Variants in FHIT observed in about 807,000 individuals in gnomAD.
FHIT encodes the protein fragile histidine triad diadenosine triphosphatase.
In FHIT, 19 loss-of-function variants were observed where a neutral mutation model predicts 17.9. The ratio of observed to expected loss-of-function variants is 1.06; its 90% CI spans 0.74 to 1.56. FHIT has a LOEUF of 1.56. Ranked by LOEUF, FHIT falls within the 40% of genes most tolerant of loss-of-function variation. The pLI is 0.00. For synonymous variants in FHIT, 81 were observed against 69.7 expected (o/e 1.16, Z -0.81); for missense variants, 248 against 189.2 (o/e 1.31, Z -1.82).
intron 5 of FHIT, among the ~76,000 whole-genome samples, chr3:60,380,581 G>A (rs1265977787): frequency 6.6e-6 from 1 of 152,108 alleles, no homozygotes; most frequent in East Asian, 1.9e-4. Flanking sequence ...GGGAAAAAGA[G>A]GGTACAGATT....
At chr3:60,710,605 G>A (rs976198345) in intron 4 of FHIT, among the ~76,000 whole-genome samples, 7 of 152,162 alleles carry the variant, frequency 4.6e-5, no homozygotes, top group South Asian at 2.1e-4. Context: ...AGGAAATGGC[G>A]CACCAGGAGA....
At chr3:60,784,969 C>T (rs936694361) in intron 4 of FHIT, among the ~76,000 whole-genome samples, 1 of 151,850 alleles carries the variant, frequency 6.6e-6, no homozygotes, top group Admixed American at 6.6e-5. Context: ...GTGAGACAGA[C>T]ATTTCTGTTG....
intron 5 of FHIT, among the ~76,000 whole-genome samples, chr3:60,211,457 T>C (rs941501044): frequency 3.1e-4 from 47 of 152,228 alleles, no homozygotes; most frequent in African/African-American, 1.1e-3. Context: ...ATAATTATAA[T>C]GCAAAATTAA....
At chr3:60,588,988 G>T (rs13085258) in intron 4 of FHIT, among the ~76,000 whole-genome samples, 51,326 of 151,800 alleles carry the variant, frequency 0.34, 9,102 homozygotes, top group South Asian at 0.62. Flanking sequence ...ATGAGTCCAG[G>T]AAAGAATAAA....
chr3:61,213,872 A>G (rs1217900021), intron 1 of FHIT, among the ~76,000 whole-genome samples: 1 of 152,254 alleles, frequency 6.6e-6, no homozygotes, highest in African/African-American at 2.4e-5. Flanking sequence ...CCGCTCAATT[A>G]CATGGAAACT....
chr3:60,913,495 T>C (rs1706845437), intron 3 of FHIT, among the ~76,000 whole-genome samples: 2 of 152,186 alleles, frequency 1.3e-5, no homozygotes, highest in Admixed American at 1.3e-4. Flanking sequence ...CCAGATGATT[T>C]GTAGGCATAT....
chr3:60,358,881 A>T (rs1025053246), intron 5 of FHIT, among the ~76,000 whole-genome samples: 6 of 152,352 alleles, frequency 3.9e-5, no homozygotes, highest in Admixed American at 1.3e-4. Context: ...TAACTAACTC[A>T]TAGAATTGAT....
intron 3 of FHIT, among the ~76,000 whole-genome samples, chr3:60,931,428 T>G (rs1483123927): frequency 6.6e-6 from 1 of 152,216 alleles, no homozygotes; most frequent in Admixed American, 6.5e-5. Context: ...TAAAATATAT[T>G]CATTTATTTT....
intron 8 of FHIT, among the ~76,000 whole-genome samples, chr3:59,860,767 T>C (rs1452607322): frequency 6.6e-6 from 1 of 152,076 alleles, no homozygotes; most frequent in Non-Finnish European, 1.5e-5. Flanking sequence ...GAGTGTCAGA[T>C]AAGGTGTGAG....
intron 5 of FHIT, among the ~76,000 whole-genome samples, chr3:60,336,965 G>A (rs1710272217): frequency 6.6e-6 from 1 of 151,452 alleles, no homozygotes; most frequent in African/African-American, 2.4e-5. Context: ...TAGACAGAGA[G>A]AAAATAAAAT....
At chr3:61,215,435 A>C (rs1305938893) in intron 1 of FHIT, among the ~76,000 whole-genome samples, 8 of 152,166 alleles carry the variant, frequency 5.3e-5, no homozygotes. Flanking sequence ...TCCAACTTAC[A>C]AGGGACATGA....
intron 5 of FHIT, among the ~76,000 whole-genome samples, chr3:60,327,357 T>A (rs12498046): frequency 1.6e-4 from 25 of 152,176 alleles, no homozygotes; most frequent in Non-Finnish European, 4.4e-5. Flanking sequence ...GTGTCAGAGA[T>A]TAGCTATTTT....
chr3:60,792,819 C>G (rs1027016657), intron 4 of FHIT, among the ~76,000 whole-genome samples: 1 of 144,594 alleles, frequency 6.9e-6, no homozygotes, highest in Admixed American at 7.0e-5. Flanking sequence ...GACTGCCCTT[C>G]GAGAAAACAA....
At chr3:59,885,458 T>A (rs1379227606) in intron 8 of FHIT, among the ~76,000 whole-genome samples, 5 of 151,330 alleles carry the variant, frequency 3.3e-5, no homozygotes, top group East Asian at 1.9e-4. Flanking sequence ...TTTTTTTTTT[T>A]AACGATTGAT....
At chr3:59,832,303 C>T (rs1350331552) in intron 8 of FHIT, among the ~76,000 whole-genome samples, 4 of 152,142 alleles carry the variant, frequency 2.6e-5, no homozygotes, top group Admixed American at 2.6e-4. Flanking sequence ...ACCATTGAGT[C>T]ACAGCCTGTG....
At chr3:59,948,633 C>T (rs1012987505) in intron 7 of FHIT, among the ~76,000 whole-genome samples, 3 of 152,050 alleles carry the variant, frequency 2.0e-5, no homozygotes, top group African/African-American at 7.2e-5. Context: ...TTACCCTCAC[C>T]AGCATCTGGT....
chr3:60,343,548 C>G (rs1488044610), intron 5 of FHIT, among the ~76,000 whole-genome samples: 3 of 152,092 alleles, frequency 2.0e-5, no homozygotes, highest in Admixed American at 6.5e-5. Flanking sequence ...ATTCCTAACA[C>G]CACTTTCCCC....
chr3:60,261,783 G>A (rs1056022930), intron 5 of FHIT, among the ~76,000 whole-genome samples: 3 of 151,946 alleles, frequency 2.0e-5, no homozygotes, highest in African/African-American at 7.2e-5. Context: ...CTCCTCTGAA[G>A]CAGACTATAC....
chr3:60,238,430 C>A (rs1704928494), intron 5 of FHIT, among the ~76,000 whole-genome samples: 1 of 111,326 alleles, frequency 9.0e-6, no homozygotes, highest in Non-Finnish European at 1.7e-5. Context: ...TTATACCACT[C>A]AACTAGCTGT....
Sources: gnomAD v4.1 joint callset for allele counts (sites outside exome capture counted in the v4.1 genomes callset) on GRCh38, gnomAD v4.1.1 for gene constraint, MANE v1.5 for transcripts, NCBI Gene and HGNC (gene_info 2026-07-23, HGNC 2026-07-21) for gene names.